Variants in TACC2 observed in about 807,000 individuals in gnomAD.
TACC2 encodes transforming acidic coiled-coil containing protein 2, also known as transforming acidic coiled-coil-containing protein 2.
Under a neutral mutation model 227.3 loss-of-function variants are expected in TACC2, and 137 were observed. The ratio of observed to expected loss-of-function variants is 0.60; its 90% CI spans 0.52 to 0.69. The LOEUF (loss-of-function observed/expected upper bound fraction) is 0.69. Ranked by LOEUF, TACC2 falls within the 30% of genes least tolerant of loss-of-function variation. The pLI is 0.00. For synonymous variants in TACC2, 1,523 were observed against 1,487.5 expected (o/e 1.02, Z -0.55); for missense variants, 3,470 against 3,694.4 (o/e 0.94, Z 1.57).
intron 6 of TACC2, among the ~76,000 whole-genome samples, chr10:122,140,969 G>T (rs1398354605): frequency 1.3e-5 from 2 of 152,184 alleles, no homozygotes; most frequent in Admixed American, 6.5e-5. Context: ...GTGGCTGTGG[G>T]GCCTTGGATC....
At chr10:122,176,075 C>CTG (rs1565510809) in intron 7 of TACC2, among the ~76,000 whole-genome samples, 1 of 68,418 alleles carries the variant, frequency 1.5e-5, no homozygotes, top group African/African-American at 4.6e-5. Context: ...GCAAAACCTT[C>CTG]TCTCTCTCTC....
intron 8 of TACC2, among the ~76,000 whole-genome samples, chr10:122,197,024 G>C (rs532894856): frequency 2.6e-5 from 4 of 152,138 alleles, no homozygotes; most frequent in African/African-American, 9.6e-5. Flanking sequence ...ACTCTGGGAG[G>C]CCAAGGAGGG....
rs915130107 is a variant in TACC2, at chr10:122,141,297, ACCT to A, written c.5700-2270_5700-2268del. On this transcript the variant is annotated intron_variant, in intron 6 of 22. Coordinates refer to ENST00000369005, the MANE Select transcript of TACC2 (RefSeq NM_206862.4). This position sits in a 1 kb window ranked among gnomAD's most constrained non-coding sequence, Gnocchi z 4.3. Reference sequence around the variant, plus strand: ...CTGAGTGTTTCCTCGTGGGAGCCTGACCTCCTCGGCCCCTGGGTATGAGCCAAC... The same window carrying A: ...CTGAGTGTTTCCTCGTGGGAGCCTGACCTCGGCCCCTGGGTATGAGCCAAC... 6.6e-6 allele frequency among the ~76,000 whole-genome samples: 1 copy of A among 151,814 alleles called. No homozygotes were observed. The highest frequency in any genetic ancestry group is 1.5e-5 in the Non-Finnish European group (1 of 67,984).
At chr10:122,070,025 C>T (rs1244933026) in intron 3 of TACC2, among the ~76,000 whole-genome samples, 4 of 152,144 alleles carry the variant, frequency 2.6e-5, no homozygotes, top group Non-Finnish European at 2.9e-5. Flanking sequence ...TTGACTCATC[C>T]ACTTTTTTCC....
chr10:122,132,468 G>C, intron 5 of TACC2, 141 bp from the exon 6 acceptor site: 2 of 990,298 alleles, frequency 2.0e-6, no homozygotes, highest in Non-Finnish European at 3.1e-6. Flanking sequence ...AGAATTGCCT[G>C]TACCCTGGAG....
Position 122,248,710 on chromosome 10 carries a change from A to G in TACC2, c.8460A>G (p.Gln2820=), listed in dbSNP as rs2096184554. The G allele has an allele frequency of 2.5e-6, 4 of 1,614,112 alleles. No homozygotes were observed. The highest frequency in any genetic ancestry group is 2.5e-6 in the Non-Finnish European group (3 of 1,180,038). ...TVQQLVLEKE[Q]ALADLNSVEK... ...AGCAGCTGGTTCTGGAGAAGGAGCA[A>G]GCCCTGGCCGACCTGAACTCCGTGG... The change falls in exon 20 of 23, where the codon CAA becomes CAG. Residue 2820 remains glutamine (Q), a synonymous_variant. Coordinates refer to ENST00000369005, the MANE Select transcript of TACC2 (RefSeq NM_206862.4).
At chr10:122,097,221 C>T (rs983480996) in intron 5 of TACC2, among the ~76,000 whole-genome samples, 2 of 151,458 alleles carry the variant, frequency 1.3e-5, no homozygotes, top group African/African-American at 4.9e-5. Context: ...CCCAGCTATT[C>T]AGGAGGCTGA....
chr10:122,221,425 C>A (rs1204728402), intron 11 of TACC2, among the ~76,000 whole-genome samples: 4 of 152,204 alleles, frequency 2.6e-5, no homozygotes, highest in Non-Finnish European at 5.9e-5. Context: ...GTCTCAGTGA[C>A]TCTTTGGTGG....
rs2079795451 is a variant in TACC2 at position 122,083,727 on chromosome 10, G to A, written c.1227G>A (p.Leu409=). ...TGCCTGTGAGCCCTGAACCTTCCCT[G>A]CTCACTCCGACTGAGGAAGCACATC... The part of the protein sequence containing the change: ...GGLPVSPEPS[L]LTPTEEAHPA... The change falls in exon 4 of 23, where the codon CTG becomes CTA. Residue 409 remains leucine (L), a synonymous_variant. Coordinates refer to ENST00000369005, the MANE Select transcript of TACC2 (RefSeq NM_206862.4). The A allele has an allele frequency of 1.2e-6, 2 of 1,613,948 alleles. No homozygotes were observed. The highest frequency in any genetic ancestry group is 2.2e-5 in the East Asian group (1 of 44,886).
intron 7 of TACC2, chr10:122,163,752 G>T (rs1355150498): frequency 1.7e-6 from 2 of 1,194,542 alleles, no homozygotes; most frequent in Admixed American, 9.0e-5. Flanking sequence ...GGCTCGGGCC[G>T]CGAGTCGCAG....
At chr10:122,014,911 G>A (rs7919851) in intron 1 of TACC2, among the ~76,000 whole-genome samples, 69,301 of 151,974 alleles carry the variant, frequency 0.46, 15,941 homozygotes, top group South Asian at 0.6. Context: ...CAACTAGAAA[G>A]CCATGCTCTG....
At chr10:122,201,413 C>A (rs1370313638) in intron 8 of TACC2, among the ~76,000 whole-genome samples, 5 of 152,186 alleles carry the variant, frequency 3.3e-5, no homozygotes, top group Admixed American at 2.6e-4. Context: ...CCCACAGTGG[C>A]CACATCTACA....
At chr10:122,030,181 C>T (rs11200353) in intron 2 of TACC2, among the ~76,000 whole-genome samples, 22,994 of 152,064 alleles carry the variant, frequency 0.15, 2,139 homozygotes, top group Admixed American at 0.23. Context: ...GAATGCCTAG[C>T]GGAGGTGGGT....
At chr10:122,029,279 A>G (rs866311951) in intron 2 of TACC2, among the ~76,000 whole-genome samples, 6 of 151,878 alleles carry the variant, frequency 4.0e-5, no homozygotes, top group Non-Finnish European at 5.9e-5. Flanking sequence ...TCTCTGCATC[A>G]ATCGATGTAA....
chr10:122,192,355 G>A (rs1305392033), intron 7 of TACC2: 2 of 269,584 alleles, frequency 7.4e-6, no homozygotes, highest in Non-Finnish European at 1.5e-5. Flanking sequence ...GGAATTCAGG[G>A]GCTAGAACCG....
intron 7 of TACC2, among the ~76,000 whole-genome samples, chr10:122,187,062 G>C (rs2094224301): frequency 6.6e-6 from 1 of 152,222 alleles, no homozygotes; most frequent in African/African-American, 2.4e-5. Flanking sequence ...GCTTCCTGCA[G>C]TGGGCCCTCA....
intron 7 of TACC2, among the ~76,000 whole-genome samples, chr10:122,174,564 G>T (rs2093620733): frequency 6.6e-6 from 1 of 152,072 alleles, no homozygotes; most frequent in Non-Finnish European, 1.5e-5. Flanking sequence ...GAGAAGAATT[G>T]GTGCATAAAA....
At chr10:122,112,918 C>T (rs917126781) in intron 5 of TACC2, 1 of 152,004 alleles carries the variant, frequency 6.6e-6, no homozygotes, top group Non-Finnish European at 1.5e-5. Flanking sequence ...CGGCGGGCGC[C>T]CTGCGCGAGC....
At chr10:122,066,546 C>T (rs1198649173) in intron 3 of TACC2, among the ~76,000 whole-genome samples, 2 of 152,144 alleles carry the variant, frequency 1.3e-5, no homozygotes, top group African/African-American at 4.8e-5. Flanking sequence ...GGATTAGAGG[C>T]GTGAGCCACC....
Sources: gnomAD v4.1 joint callset for allele counts (sites outside exome capture counted in the v4.1 genomes callset) on GRCh38, gnomAD v4.1.1 for gene constraint, Gnocchi (gnomAD v3.1) non-coding constraint, MANE v1.5 for transcripts, NCBI Gene and HGNC (gene_info 2026-07-23, HGNC 2026-07-21) for gene names.